PLEKHA6: variants seen among roughly 807,000 people sequenced by gnomAD.
The protein encoded by PLEKHA6 is pleckstrin homology domain-containing family A member 6.
PLEKHA6 carries 60 observed loss-of-function variants against 116.7 expected under a neutral mutation model. The observed-to-expected ratio is 0.51, with a 90% CI of 0.42 to 0.64. PLEKHA6 has a LOEUF of 0.64. Among genes scored for constraint, PLEKHA6 ranks in the 30% least tolerant of loss-of-function variants. PLEKHA6 has a pLI of 0.00. For synonymous variants in PLEKHA6, 489 were observed against 556.1 expected (o/e 0.88, Z 1.70); for missense variants, 1,338 against 1,422.7 (o/e 0.94, Z 0.96).
At chr1:204,286,404 A>C (rs192941925) in intron 1 of PLEKHA6, among the ~76,000 whole-genome samples, 1 of 151,890 alleles carries the variant, frequency 6.6e-6, no homozygotes, top group Non-Finnish European at 1.5e-5. Flanking sequence ...ACAAGGAGGA[A>C]TAGAGTACTC....
At chr1:204,373,122 C>T (rs1264011953) in intron 1 of PLEKHA6, among the ~76,000 whole-genome samples, 1 of 140,296 alleles carries the variant, frequency 7.1e-6, no homozygotes, top group Non-Finnish European at 1.5e-5. Context: ...TAGAGTATCA[C>T]TCCGTCACCC....
upstream of PLEKHA6, among the ~76,000 whole-genome samples, chr1:204,363,074 C>A (rs1673591485): frequency 6.6e-6 from 1 of 152,344 alleles, no homozygotes; most frequent in Admixed American, 6.5e-5. Context: ...AGAACTGCTG[C>A]CCCAGCACTC....
At position 204,259,491 on chromosome 1, in the gene PLEKHA6, T is replaced by C. The variant is rs767810841; in HGVS notation, c.774A>G (p.Arg258=). The C allele has an allele frequency of 5.6e-6, 9 of 1,613,998 alleles. No homozygotes were observed. The highest frequency in any genetic ancestry group is 6.8e-6 in the Non-Finnish European group (8 of 1,179,980). ...EPGSPYPEGP[R]VPGGGEQPAQ... Reference sequence around the variant, plus strand: ...CAGGCTGTTCCCCACCCCCTGGCACTCTTGGGCCCTCGGGGTAAGGGCTGC... The same window carrying C: ...CAGGCTGTTCCCCACCCCCTGGCACCCTTGGGCCCTCGGGGTAAGGGCTGC... Residue 258 remains arginine (R), a synonymous_variant, in exon 8 of 23, where the codon AGA becomes AGG. Transcript: ENST00000272203. This position sits in a 1 kb window ranked among gnomAD's most constrained non-coding sequence, Gnocchi z 4.6.
At chr1:204,248,103 G>A (rs1297497906) in intron 12 of PLEKHA6, among the ~76,000 whole-genome samples, 3 of 150,812 alleles carry the variant, frequency 2.0e-5, no homozygotes, top group Non-Finnish European at 4.4e-5. Context: ...CAAGCAGTCT[G>A]TGTCGGAAGG....
intron 15 of PLEKHA6, among the ~76,000 whole-genome samples, chr1:204,242,637 G>A (rs1662988072): frequency 6.6e-6 from 1 of 152,222 alleles, no homozygotes; most frequent in Non-Finnish European, 1.5e-5. Context: ...GCCAGAACAG[G>A]AGAGAAAAGG....
intron 1 of PLEKHA6, among the ~76,000 whole-genome samples, chr1:204,307,573 A>G (rs557697431): frequency 2.6e-5 from 4 of 152,326 alleles, no homozygotes; most frequent in Middle Eastern, 3.4e-3. Flanking sequence ...ACATCTCCCA[A>G]TAAAGCTGGC....
At chr1:204,315,787 G>A (rs148208487) in intron 1 of PLEKHA6, among the ~76,000 whole-genome samples, 1 of 152,238 alleles carries the variant, frequency 6.6e-6, no homozygotes, top group East Asian at 1.9e-4. Flanking sequence ...TGGGATGAGG[G>A]CAGCGTGAGT....
At chr1:204,244,379 G>A (rs920041892) in intron 15 of PLEKHA6, among the ~76,000 whole-genome samples, 3 of 150,268 alleles carry the variant, frequency 2.0e-5, no homozygotes, top group South Asian at 2.1e-4. Context: ...CTGACCTAGC[G>A]ATCCACCCGC....
chr1:204,267,249 A>G (rs4951340), intron 5 of PLEKHA6, among the ~76,000 whole-genome samples: 105,863 of 152,138 alleles, frequency 0.7, 37,008 homozygotes, highest in East Asian at 0.84. Flanking sequence ...CTCTGCCTGA[A>G]ACCTAGCAAG....
chr1:204,341,512 T>G (rs1672845602), intron 1 of PLEKHA6, among the ~76,000 whole-genome samples: 1 of 152,214 alleles, frequency 6.6e-6, no homozygotes, highest in African/African-American at 2.4e-5. Flanking sequence ...TTCATCTGAT[T>G]GCAGGGATGG....
At chr1:204,362,730 A>T (rs1002975109), upstream of PLEKHA6, among the ~76,000 whole-genome samples, 1 of 152,120 alleles carries the variant, frequency 6.6e-6, no homozygotes, top group African/African-American at 2.4e-5. Context: ...AGTTTGTTTT[A>T]CAGACAGAGT....
At position 204,259,289 on chromosome 1, in the gene PLEKHA6, G is replaced by A. The variant is rs1157499639; in HGVS notation, c.976C>T (p.Arg326Trp). 1.4e-5 allele frequency: 23 copies of A among 1,613,908 alleles called. No individual in the cohort carries two copies. The highest frequency in any genetic ancestry group is 2.2e-5 in the East Asian group (1 of 44,892). Residue 326 changes from arginine (R) to tryptophan (W), a missense_variant, in exon 8 of 23, where the codon CGG (arginine) becomes TGG (tryptophan). This residue lies in a region of PLEKHA6 where 1,136 missense variants were observed against 1,163.6 expected (regional missense o/e 0.98). Coordinates refer to ENST00000272203, the MANE Select transcript of PLEKHA6 (RefSeq NM_014935.5). The surrounding 1 kb of genome is among the most constrained non-coding windows in gnomAD (Gnocchi z 4.6). ...NQLQQWVNLRRGVPPPEDLRS... is the reference protein window; with the variant it reads ...NQLQQWVNLRWGVPPPEDLRS... Reference sequence around the variant, plus strand: ...AGGTCTTCAGGCGGGGGTACCCCCCGGCGCAGATTCACCCACTGCTGAAGC... The same window carrying A: ...AGGTCTTCAGGCGGGGGTACCCCCCAGCGCAGATTCACCCACTGCTGAAGC...
intron 10 of PLEKHA6, 46 bp from the exon 11 acceptor site, chr1:204,249,310 G>A (rs757234989): frequency 7.4e-7 from 1 of 1,349,136 alleles, no homozygotes; most frequent in South Asian, 1.2e-5. Flanking sequence ...AGAAGGGGAT[G>A]AAGGACATAG....
chr1:204,246,543 G>A (rs1363596522), intron 13 of PLEKHA6, among the ~76,000 whole-genome samples: 1 of 152,172 alleles, frequency 6.6e-6, no homozygotes, highest in Admixed American at 6.5e-5. Flanking sequence ...TAGGGGTGGT[G>A]AGTAGCATTA....
At chr1:204,272,527 T>C (rs1336817875) in intron 3 of PLEKHA6, among the ~76,000 whole-genome samples, 1 of 152,214 alleles carries the variant, frequency 6.6e-6, no homozygotes, top group Non-Finnish European at 1.5e-5. Flanking sequence ...ATTTCAAACA[T>C]TTCAGAAAAG....
chr1:204,276,128 TG>T (rs1288732591), intron 1 of PLEKHA6, among the ~76,000 whole-genome samples: 76 of 145,460 alleles, frequency 5.2e-4, no homozygotes, highest in African/African-American at 1.9e-3. Flanking sequence ...TATCAAAGAG[TG>T]TTTTTTTTCA....
At chr1:204,375,290 C>T (rs549644918) in intron 1 of PLEKHA6, among the ~76,000 whole-genome samples, 1 of 152,078 alleles carries the variant, frequency 6.6e-6, no homozygotes, top group Non-Finnish European at 1.5e-5. Context: ...TCCTGAATGT[C>T]CCCCGGGAAC....
Position 204,261,617 on chromosome 1 carries a change from CT to C in PLEKHA6, c.382-170del. ...CTCAGGAGCAAGGTGAAGAGGGCAG[CT>C]TGCAGCTACCCCGAGGGTTCCAGCT... On this transcript the variant is annotated intron_variant, in intron 6 of 22. Coordinates refer to ENST00000272203, the MANE Select transcript of PLEKHA6 (RefSeq NM_014935.5). This position sits in a 1 kb window ranked among gnomAD's most constrained non-coding sequence, Gnocchi z 4.0. The C allele has an allele frequency of 2.8e-6, 2 of 703,782 alleles. No individual in the cohort carries two copies. Among genetic ancestry groups the C allele is most frequent in the Non-Finnish European group, 4.7e-6 (2 of 428,576 alleles). The allele number at this position is 703,782 out of a possible 1,614,324, so 43.6% of individuals were successfully genotyped here.
intron 3 of PLEKHA6, among the ~76,000 whole-genome samples, chr1:204,270,435 T>C (rs1311515833): frequency 6.6e-6 from 1 of 152,164 alleles, no homozygotes; most frequent in African/African-American, 2.4e-5. Flanking sequence ...AGTGCAAAAC[T>C]GAACTCATTT....
Sources: gnomAD v4.1 joint callset for allele counts (sites outside exome capture counted in the v4.1 genomes callset) on GRCh38, gnomAD v4.1.1 for gene constraint, gnomAD v4.1.1 regional missense constraint, Gnocchi (gnomAD v3.1) non-coding constraint, MANE v1.5 for transcripts, NCBI Gene and HGNC (gene_info 2026-07-23, HGNC 2026-07-21) for gene names.